Variants in H2BN1 observed in about 807,000 individuals in gnomAD.
The protein encoded by H2BN1 is H2B.N variant histone 1.
At chr17:32,897,358 TACACACAC>T in the H2BN1 span, among the ~76,000 whole-genome samples, 4,414 of 124,034 alleles carry the variant, frequency 0.036, 143 homozygotes, top group East Asian at 0.21. Flanking sequence ...CTCTCTGTCT[TACACACAC>T]ACACACACAC....
chr17:32,896,439 C>T, the H2BN1 span, among the ~76,000 whole-genome samples: 8 of 152,258 alleles, frequency 5.3e-5, no homozygotes, highest in Non-Finnish European at 1.2e-4. Context: ...AAAATCTTCC[C>T]CCTCAAAAGC....
At chr17:32,904,502 A>G in the H2BN1 span, among the ~76,000 whole-genome samples, 8 of 152,306 alleles carry the variant, frequency 5.3e-5, no homozygotes, top group Admixed American at 4.6e-4. Flanking sequence ...ACAGTACAAG[A>G]TAACCTCTGG....
At chr17:32,899,623 C>G in the H2BN1 span, among the ~76,000 whole-genome samples, 1 of 152,150 alleles carries the variant, frequency 6.6e-6, no homozygotes, top group Non-Finnish European at 1.5e-5. Flanking sequence ...TCTTACTGTA[C>G]TTTTGTAAAT....
At chr17:32,902,128 TCTTTA>T in the H2BN1 span, among the ~76,000 whole-genome samples, 1 of 151,186 alleles carries the variant, frequency 6.6e-6, no homozygotes, top group Non-Finnish European at 1.5e-5. Flanking sequence ...AAAAAAAACC[TCTTTA>T]CTTTTATAAC....
chr17:32,904,018 G>A, the H2BN1 span, among the ~76,000 whole-genome samples: 1 of 152,176 alleles, frequency 6.6e-6, no homozygotes. Context: ...TTCTGAGAGG[G>A]TTCAAAATGC....
the H2BN1 span, among the ~76,000 whole-genome samples, chr17:32,904,963 A>G: frequency 3.3e-5 from 5 of 152,176 alleles, no homozygotes; most frequent in Non-Finnish European, 7.4e-5. Context: ...ACAAAAACCC[A>G]ACAATATGAT....
chr17:32,902,879 G>A, the H2BN1 span, among the ~76,000 whole-genome samples: 1 of 151,860 alleles, frequency 6.6e-6, no homozygotes, highest in African/African-American at 2.4e-5. Context: ...AGATCATTCT[G>A]TTTTTGGGCT....
chr17:32,897,296 CCTCCCT>C, the H2BN1 span, among the ~76,000 whole-genome samples: 3 of 151,308 alleles, frequency 2.0e-5, no homozygotes. Flanking sequence ...CTCCCTCTCT[CCTCCCT>C]CTCCCTCTCA....
the H2BN1 span, among the ~76,000 whole-genome samples, chr17:32,899,319 G>C: frequency 1.3e-5 from 2 of 152,162 alleles, no homozygotes; most frequent in African/African-American, 4.8e-5. Flanking sequence ...TCATGGATTT[G>C]TACCATCAAA....
chr17:32,900,488 C>G, the H2BN1 span, among the ~76,000 whole-genome samples: 4,755 of 152,044 alleles, frequency 0.031, 253 homozygotes, highest in African/African-American at 0.11. Flanking sequence ...AGTGATAACT[C>G]AAGGATTTCA....
the H2BN1 span, among the ~76,000 whole-genome samples, chr17:32,896,625 A>G: frequency 1.3e-5 from 2 of 152,214 alleles, no homozygotes; most frequent in Admixed American, 6.5e-5. Flanking sequence ...AATGAGATTA[A>G]GGAAAGATGG....
the H2BN1 span, among the ~76,000 whole-genome samples, chr17:32,903,779 G>C: frequency 2.0e-5 from 3 of 152,190 alleles, no homozygotes; most frequent in Non-Finnish European, 4.4e-5. Context: ...CTGGCAAGTA[G>C]AGGTGTCATA....
the H2BN1 span, among the ~76,000 whole-genome samples, chr17:32,905,954 C>G: frequency 6.6e-6 from 1 of 152,102 alleles, no homozygotes; most frequent in Non-Finnish European, 1.5e-5. Flanking sequence ...TTTTGGGGTC[C>G]CAAGGTTTAT....
At chr17:32,897,394 C>G in the H2BN1 span, among the ~76,000 whole-genome samples, 3 of 143,094 alleles carry the variant, frequency 2.1e-5, no homozygotes, top group Non-Finnish European at 3.0e-5. Context: ...CACACACACA[C>G]AGCAACAAGA....
the H2BN1 span, among the ~76,000 whole-genome samples, chr17:32,895,625 T>C: frequency 1.1e-4 from 17 of 152,156 alleles, no homozygotes; most frequent in Non-Finnish European, 1.5e-5. Flanking sequence ...GTGCACTCTT[T>C]GTAGAAGCTT....
chr17:32,903,724 CTAATG>C, the H2BN1 span, among the ~76,000 whole-genome samples: 1 of 152,152 alleles, frequency 6.6e-6, no homozygotes, highest in Non-Finnish European at 1.5e-5. Context: ...CTCTTTTTCT[CTAATG>C]TAAGTGTGTA....
chr17:32,904,317 A>G, the H2BN1 span, among the ~76,000 whole-genome samples: 1 of 152,260 alleles, frequency 6.6e-6, no homozygotes, highest in Non-Finnish European at 1.5e-5. Flanking sequence ...GAGACAAAGT[A>G]GTAGACAAGA....
At chr17:32,902,715 C>T in the H2BN1 span, among the ~76,000 whole-genome samples, 16 of 152,088 alleles carry the variant, frequency 1.1e-4, no homozygotes, top group Admixed American at 5.2e-4. Flanking sequence ...TGGTGGGCAC[C>T]TGTAGTCCCA....
At chr17:32,902,871 A>G in the H2BN1 span, among the ~76,000 whole-genome samples, 1 of 151,978 alleles carries the variant, frequency 6.6e-6, no homozygotes, top group Non-Finnish European at 1.5e-5. Context: ...ACAAGCAAAG[A>G]TCATTCTGTT....
Sources: gnomAD v4.1 joint callset for allele counts (sites outside exome capture counted in the v4.1 genomes callset) on GRCh38, gnomAD v4.1.1 for gene constraint, MANE v1.5 for transcripts, NCBI Gene and HGNC (gene_info 2026-07-23, HGNC 2026-07-21) for gene names.